The following VEGFC variants were observed in gnomAD, a reference collection of about 807,000 sequenced individuals.
VEGFC encodes vascular endothelial growth factor C, also known as FLT4 ligand DHM.
Under a neutral mutation model 46.1 loss-of-function variants are expected in VEGFC, and 12 were observed. That is an observed-to-expected ratio of 0.26 (90% CI 0.17 to 0.42). The LOEUF is 0.42. VEGFC is among the 10% of genes least tolerant of loss of function. The probability of loss-of-function intolerance (pLI) is 1.00; values close to 1 mark genes in which losing one functional copy is unlikely to be tolerated. For missense variants in VEGFC, 488 were observed against 529.4 expected (o/e 0.92, Z 0.77); for synonymous variants, 232 against 195.5 (o/e 1.19, Z -1.56).
chr4:176,730,904 CATT>C (rs909901661), intron 1 of VEGFC, among the ~76,000 whole-genome samples: 5 of 151,836 alleles, frequency 3.3e-5, no homozygotes, highest in Non-Finnish European at 5.9e-5. Flanking sequence ...TTTTTAATTT[CATT>C]ATAACAGAGC....
intron 1 of VEGFC, among the ~76,000 whole-genome samples, chr4:176,777,917 T>G (rs1735841034): frequency 4.9e-5 from 2 of 41,026 alleles, no homozygotes; most frequent in Admixed American, 8.8e-4. Context: ...AGACTTTGTC[T>G]CAAAAAAAAA....
At chr4:176,777,652 T>A (rs1202377015) in intron 1 of VEGFC, among the ~76,000 whole-genome samples, 2 of 152,074 alleles carry the variant, frequency 1.3e-5, no homozygotes, top group Non-Finnish European at 2.9e-5. Context: ...CCAGGCTCCG[T>A]GGCTCACACC....
At chr4:176,704,952 T>G (rs769554312) in intron 4 of VEGFC, among the ~76,000 whole-genome samples, 2 of 124,560 alleles carry the variant, frequency 1.6e-5, no homozygotes, top group African/African-American at 5.9e-5. Flanking sequence ...AACAATTCTA[T>G]GTATCTTTCT....
intron 4 of VEGFC, among the ~76,000 whole-genome samples, chr4:176,695,409 C>G (rs1410312404): frequency 2.4e-3 from 342 of 144,470 alleles, no homozygotes; most frequent in East Asian, 8.8e-3. Context: ...GACACATACA[C>G]TCTCCCAAGA....
At chr4:176,709,164 T>C (rs1489277002) in intron 4 of VEGFC, among the ~76,000 whole-genome samples, 1 of 152,238 alleles carries the variant, frequency 6.6e-6, no homozygotes. Context: ...TGAGTCATTT[T>C]ATTTAACAAG....
chr4:176,747,523 G>A (rs1288607238), intron 1 of VEGFC, among the ~76,000 whole-genome samples: 1 of 151,996 alleles, frequency 6.6e-6, no homozygotes, highest in African/African-American at 2.4e-5. Flanking sequence ...GCTGGGCGTG[G>A]TCCTCACACC....
intron 3 of VEGFC, among the ~76,000 whole-genome samples, chr4:176,713,094 T>C (rs1054283024): frequency 1.3e-5 from 2 of 152,190 alleles, no homozygotes; most frequent in African/African-American, 4.8e-5. Context: ...GAATCTGATA[T>C]GTATATTATT....
At chr4:176,760,333 G>A (rs2110909276) in intron 1 of VEGFC, among the ~76,000 whole-genome samples, 1 of 152,184 alleles carries the variant, frequency 6.6e-6, no homozygotes, top group African/African-American at 2.4e-5. Flanking sequence ...TGAATTTTAT[G>A]CATAGGTTTC....
chr4:176,689,596 A>G (rs1374969230), intron 4 of VEGFC: 1 of 152,260 alleles, frequency 6.6e-6, no homozygotes, highest in Non-Finnish European at 1.5e-5. Flanking sequence ...TTCTGCAAAT[A>G]GCAATGACTG....
At chr4:176,693,149 G>C (rs1370806108) in intron 4 of VEGFC, among the ~76,000 whole-genome samples, 1 of 152,088 alleles carries the variant, frequency 6.6e-6, no homozygotes, top group Non-Finnish European at 1.5e-5. Context: ...CGAGCTGCGA[G>C]AAGAAGGCTT....
chr4:176,737,253 A>G (rs928074974), intron 1 of VEGFC, among the ~76,000 whole-genome samples: 24 of 139,768 alleles, frequency 1.7e-4, no homozygotes, highest in Non-Finnish European at 3.1e-4. Flanking sequence ...CATTAATGTT[A>G]AATGTTAATA....
At position 176,683,833 on chromosome 4, in the gene VEGFC, G is replaced by A. The variant is rs1168327138; in HGVS notation, c.*93C>T. 3.3e-5 allele frequency: 33 copies of A among 1,004,356 alleles called. No homozygotes were observed. Among genetic ancestry groups the A allele is most frequent in the Non-Finnish European group, 3.9e-5 (25 of 645,080 alleles). The allele number at this position is 1,004,356 out of a possible 1,614,324, so 62.2% of individuals were successfully genotyped here. A position where few individuals can be genotyped will look rare whatever the true frequency, so the allele number is the denominator to read the frequency against. On this transcript the variant is annotated 3_prime_UTR_variant, in exon 7 of 7. Coordinates refer to ENST00000618562, the MANE Select transcript of VEGFC (RefSeq NM_005429.5). ...ACAGACTTTTGTCTTTGTTAGCATG[G>A]ACCCACAAGGGTCTCTCTGTTCACA... is the stretch of plus-strand genomic sequence containing the variant.
rs576373054 is a variant in VEGFC at position 176,752,935 on chromosome 4, T to C, written c.148-23189A>G. The stretch of plus-strand genomic sequence containing the variant: ...GATGTTATTTTAAGGACCAAAACTA[T>C]AGAATATGTTCAATAAATAATTGTT... On this transcript the variant is annotated intron_variant, in intron 1 of 6. Coordinates refer to ENST00000618562, the MANE Select transcript of VEGFC (RefSeq NM_005429.5). Among the ~76,000 whole-genome samples the C allele has an allele frequency of 5.9e-5, 9 of 152,076 alleles. No individual in the cohort carries two copies. In the South Asian group the frequency reaches 1.9e-3, roughly 32 times the overall value.
intron 1 of VEGFC, among the ~76,000 whole-genome samples, chr4:176,770,810 T>C (rs780572966): frequency 1.6e-4 from 24 of 152,084 alleles, no homozygotes; most frequent in Non-Finnish European, 2.5e-4. Flanking sequence ...CATAGACTTT[T>C]CTTGTTTTTC....
At position 176,729,503 on chromosome 4, in the gene VEGFC, C is replaced by T. The variant is rs760764826; in HGVS notation, c.361+30G>A. 6 of 1,592,044 alleles carry T rather than the reference C, an allele frequency of 3.8e-6. No homozygotes were observed. In the East Asian group the frequency reaches 1.1e-4, roughly 30 times the overall value. ...ACTTCTACTGGTTTGATATATAAGG[C>T]TTACTATACATTTTATTTCCCATAC... On this transcript the variant is annotated intron_variant, in intron 2 of 6. Transcript: ENST00000618562.
intron 1 of VEGFC, among the ~76,000 whole-genome samples, chr4:176,744,354 G>GA (rs796527060): frequency 1.7e-3 from 250 of 148,734 alleles, no homozygotes; most frequent in African/African-American, 3.4e-3. Flanking sequence ...AATTTAAAAA[G>GA]AAAAAAAAAA....
intron 3 of VEGFC, among the ~76,000 whole-genome samples, chr4:176,714,963 T>A (rs1260017013): frequency 1.3e-5 from 2 of 152,182 alleles, no homozygotes; most frequent in Non-Finnish European, 2.9e-5. Flanking sequence ...ATACACTGAC[T>A]AAAAGAATAA....
chr4:176,713,924 G>A (rs1734657079), intron 3 of VEGFC, among the ~76,000 whole-genome samples: 1 of 152,200 alleles, frequency 6.6e-6, no homozygotes, highest in Admixed American at 6.5e-5. Context: ...AGAATTGACA[G>A]GAGATAACCA....
chr4:176,739,624 G>A (rs556527145), intron 1 of VEGFC, among the ~76,000 whole-genome samples: 16 of 151,754 alleles, frequency 1.1e-4, no homozygotes, highest in East Asian at 9.8e-4. Context: ...GGAACGCATC[G>A]GAAGAATAGT....
Sources: allele counts gnomAD v4.1 joint callset (sites outside exome capture counted in the v4.1 genomes callset), GRCh38; gene constraint gnomAD v4.1.1; transcripts MANE v1.5; gene names NCBI Gene and HGNC (gene_info 2026-07-23, HGNC 2026-07-21).